The following LHFPL3 variants were observed in gnomAD, a reference collection of about 807,000 sequenced individuals.
LHFPL3 encodes LHFPL tetraspan subfamily member 3 protein.
In LHFPL3, 5 loss-of-function variants were observed where a neutral mutation model predicts 19.3. The ratio of observed to expected loss-of-function variants is 0.26; its 90% CI spans 0.14 to 0.54. The LOEUF is 0.54. Among genes scored for constraint, LHFPL3 ranks in the 20% least tolerant of loss-of-function variants. The pLI, the probability that LHFPL3 is intolerant of heterozygous loss-of-function variation, is 0.94. For synonymous variants in LHFPL3, 133 were observed against 126.2 expected (o/e 1.05, Z -0.36); for missense variants, 249 against 307.4 (o/e 0.81, Z 1.42).
At chr7:104,703,089 A>G (rs1244398983) in intron 1 of LHFPL3, among the ~76,000 whole-genome samples, 1 of 152,110 alleles carries the variant, frequency 6.6e-6, no homozygotes, top group Admixed American at 6.5e-5. Context: ...TTAATTTCCA[A>G]ATCTTTTGTG....
chr7:104,335,827 C>G (rs952572135), intron 1 of LHFPL3, among the ~76,000 whole-genome samples: 15 of 146,844 alleles, frequency 1.0e-4, no homozygotes, highest in African/African-American at 3.6e-4. Context: ...TATGTACATA[C>G]CTCAGAAATC....
chr7:104,453,712 G>T (rs534393259), intron 1 of LHFPL3, among the ~76,000 whole-genome samples: 2 of 152,138 alleles, frequency 1.3e-5, no homozygotes, highest in South Asian at 2.1e-4. Context: ...CATAGGGGCG[G>T]GTCCCTCATG....
At chr7:104,431,546 T>C (rs1306221560) in intron 1 of LHFPL3, among the ~76,000 whole-genome samples, 1 of 152,186 alleles carries the variant, frequency 6.6e-6, no homozygotes, top group Non-Finnish European at 1.5e-5. Flanking sequence ...CTTGCAGTAT[T>C]CTCCTGCATT....
chr7:104,365,729 C>T (rs1181946388), intron 1 of LHFPL3, among the ~76,000 whole-genome samples: 3 of 137,662 alleles, frequency 2.2e-5, no homozygotes, highest in Non-Finnish European at 3.1e-5. Flanking sequence ...TGCAGTGAGC[C>T]GAGATTGCGC....
At chr7:104,522,092 G>A (rs1287322981) in intron 1 of LHFPL3, among the ~76,000 whole-genome samples, 1 of 152,056 alleles carries the variant, frequency 6.6e-6, no homozygotes, top group Non-Finnish European at 1.5e-5. Context: ...GCACACGTAT[G>A]TTTACTGAGG....
chr7:104,869,670 G>A (rs1459087705), intron 2 of LHFPL3, among the ~76,000 whole-genome samples: 2 of 152,130 alleles, frequency 1.3e-5, no homozygotes, highest in African/African-American at 4.8e-5. Context: ...AACCACTGTG[G>A]AAGTCAGTGT....
intron 1 of LHFPL3, among the ~76,000 whole-genome samples, chr7:104,627,097 G>A (rs12154499): frequency 0.23 from 34,841 of 151,766 alleles, 4,459 homozygotes; most frequent in South Asian, 0.42. Flanking sequence ...CTATCTAACC[G>A]AAATTTTATC....
At chr7:104,726,088 A>G (rs969695356) in intron 1 of LHFPL3, among the ~76,000 whole-genome samples, 10 of 141,090 alleles carry the variant, frequency 7.1e-5, no homozygotes, top group African/African-American at 2.6e-4. Flanking sequence ...TCTCCCAAGT[A>G]CTTGTAATCT....
chr7:104,609,522 A>C (rs1285425447), intron 1 of LHFPL3, among the ~76,000 whole-genome samples: 1 of 152,196 alleles, frequency 6.6e-6, no homozygotes, highest in African/African-American at 2.4e-5. Context: ...GGCTCAGCTT[A>C]AATGAGCAAG....
At chr7:104,474,178 G>A (rs750947233) in intron 1 of LHFPL3, among the ~76,000 whole-genome samples, 3 of 152,070 alleles carry the variant, frequency 2.0e-5, no homozygotes, top group Non-Finnish European at 4.4e-5. Flanking sequence ...AATCATTCCA[G>A]CCTAGTTTAG....
chr7:104,657,499 C>G (rs1451024302), intron 1 of LHFPL3, among the ~76,000 whole-genome samples: 5 of 152,208 alleles, frequency 3.3e-5, no homozygotes, highest in Non-Finnish European at 7.4e-5. Flanking sequence ...TAATAGCTGC[C>G]ATTTCTTTAA....
chr7:104,331,463 T>C (rs1185667437), intron 1 of LHFPL3, among the ~76,000 whole-genome samples: 1 of 152,176 alleles, frequency 6.6e-6, no homozygotes, highest in African/African-American at 2.4e-5. Context: ...TGAAGTATAT[T>C]AATAAAAGAA....
At chr7:104,746,890 C>A (rs1296805210) in intron 2 of LHFPL3, among the ~76,000 whole-genome samples, 1 of 152,224 alleles carries the variant, frequency 6.6e-6, no homozygotes, top group Non-Finnish European at 1.5e-5. Context: ...CCATGCCCCT[C>A]ACTACCTTGC....
At chr7:104,388,408 A>G (rs1009062338) in intron 1 of LHFPL3, among the ~76,000 whole-genome samples, 10 of 152,170 alleles carry the variant, frequency 6.6e-5, no homozygotes, top group African/African-American at 1.9e-4. Context: ...AATAAGACAT[A>G]CAGCTGACTT....
intron 2 of LHFPL3, among the ~76,000 whole-genome samples, chr7:104,864,020 C>T (rs1791667220): frequency 6.6e-6 from 1 of 152,186 alleles, no homozygotes. Context: ...ACAAACTTAA[C>T]ACTGTATAAC....
intron 1 of LHFPL3, among the ~76,000 whole-genome samples, chr7:104,610,232 G>C (rs1791186604): frequency 6.6e-6 from 1 of 151,986 alleles, no homozygotes; most frequent in South Asian, 2.1e-4. Context: ...CTAAATGTCT[G>C]GCATCTTTGA....
intron 1 of LHFPL3, among the ~76,000 whole-genome samples, chr7:104,334,413 G>A (rs1458320101): frequency 5.9e-5 from 9 of 152,146 alleles, no homozygotes; most frequent in Admixed American, 5.9e-4. Context: ...CAGGTATGGT[G>A]GCGTACACCT....
At chr7:104,465,620 A>G (rs1245666599) in intron 1 of LHFPL3, among the ~76,000 whole-genome samples, 1 of 152,220 alleles carries the variant, frequency 6.6e-6, no homozygotes, top group African/African-American at 2.4e-5. Context: ...GAATGAGAGC[A>G]AGTGGGGGAA....
intron 2 of LHFPL3, among the ~76,000 whole-genome samples, chr7:104,832,692 C>T (rs556419945): frequency 6.8e-6 from 1 of 148,108 alleles, no homozygotes; most frequent in African/African-American, 2.5e-5. Context: ...TAACCCAGTC[C>T]TCGGATGGGC....
Sources: gnomAD v4.1 joint callset for allele counts (sites outside exome capture counted in the v4.1 genomes callset) on GRCh38, gnomAD v4.1.1 for gene constraint, MANE v1.5 for transcripts, NCBI Gene and HGNC (gene_info 2026-07-23, HGNC 2026-07-21) for gene names.